Variants in ZFHX4 observed in about 807,000 individuals in gnomAD.
ZFHX4 encodes zinc finger homeobox 4, also known as zinc finger homeobox protein 4.
ZFHX4 carries 56 observed loss-of-function variants against 267.6 expected under a neutral mutation model. The observed-to-expected ratio is 0.21, with a 90% confidence interval of 0.17 to 0.26. ZFHX4 has a LOEUF of 0.26. Among genes scored for constraint, ZFHX4 ranks in the 10% least tolerant of loss-of-function variants. The probability of loss-of-function intolerance (pLI) is 1.00; values close to 1 mark genes in which losing one functional copy is unlikely to be tolerated. For synonymous variants in ZFHX4, 1,778 were observed against 1,665.6 expected (o/e 1.07, Z -1.64); for missense variants, 4,332 against 4,420.0 (o/e 0.98, Z 0.56).
chr8:76,685,551 G>T (rs540693371), intron 1 of ZFHX4, among the ~76,000 whole-genome samples: 2 of 152,096 alleles, frequency 1.3e-5, no homozygotes, highest in South Asian at 2.1e-4. Context: ...TAATATATAC[G>T]TTTATGTAAT....
intron 4 of ZFHX4, among the ~76,000 whole-genome samples, chr8:76,821,541 T>TC (rs1811649213): frequency 6.6e-6 from 1 of 150,698 alleles, no homozygotes; most frequent in African/African-American, 2.5e-5. Flanking sequence ...TTTTTTTTTT[T>TC]CACTAGGCTG....
At chr8:76,782,292 G>C (rs991701867) in intron 4 of ZFHX4, 12 of 373,060 alleles carry the variant, frequency 3.2e-5, no homozygotes, top group African/African-American at 2.3e-4. Context: ...ACTCTGTCTG[G>C]CTATGCTAGT....
In ZFHX4 at chr8:76,705,637, T is replaced by C. The variant is rs773318689; in HGVS notation, c.1549T>C (p.Phe517Leu). The change falls in exon 2 of 11, where the codon TTT (phenylalanine) becomes CTT (leucine). Residue 517 changes from phenylalanine (F) to leucine (L), a missense_variant. This residue lies in a region of ZFHX4 where 1,195 missense variants were observed against 1,173.6 expected (regional missense o/e 1.02). Transcript: ENST00000651372. ...TCCTTTATCATCCAGTGTGCTAAAA[T>C]TTATTGAAAAGGGTACCTCGTCCTC... The part of the protein sequence containing the change: ...ISPLSSSVLK[F>L]IEKGTSSSSA... The C allele has an allele frequency of 1.9e-6, 3 of 1,613,818 alleles. No individual in the cohort carries two copies. The highest frequency in any genetic ancestry group is 4.5e-5 in the East Asian group (2 of 44,882).
At chr8:76,827,466 T>C (rs1811816920) in intron 4 of ZFHX4, among the ~76,000 whole-genome samples, 1 of 152,150 alleles carries the variant, frequency 6.6e-6, no homozygotes, top group Non-Finnish European at 1.5e-5. Flanking sequence ...AACTGGTTGA[T>C]AGATGGAAAC....
rs1031467751 is a variant in ZFHX4, at chr8:76,699,621, C to T, written c.-46-4422C>T. Among the ~76,000 whole-genome samples the T allele has an allele frequency of 5.3e-5, 8 of 151,976 alleles. No individual in the cohort carries two copies. The South Asian group carries it at 1.7e-3, about 32-fold the overall frequency. ...CTCTTCTCTTGGTTAGCACACCACA[C>T]CCTTTTAAAAGCTTCTGTACAGTAG... On this transcript the variant is annotated intron_variant, in intron 1 of 10. Transcript: ENST00000651372.
rs1197544128 is a variant in ZFHX4 at position 76,865,400 on chromosome 8, T to C, written c.*835T>C. On this transcript the variant is annotated 3_prime_UTR_variant, in exon 11 of 11. Coordinates refer to ENST00000651372, the MANE Select transcript of ZFHX4 (RefSeq NM_024721.5). ...GAGGATTATGTGAACAGGACATTTT[T>C]CATTTGTGAATTTAATGCTATACTG... is the stretch of plus-strand genomic sequence containing the variant. 6.6e-6 allele frequency: 1 copy of C among 152,612 alleles called. No homozygotes were observed. Among genetic ancestry groups the C allele is most frequent in the African/African-American group, 2.4e-5 (1 of 41,462 alleles). 9.5% of individuals were successfully genotyped at this position (152,612 alleles called of 1,614,324 possible). A position where few individuals can be genotyped will look rare whatever the true frequency, so the allele number is the denominator to read the frequency against.
intron 10 of ZFHX4, among the ~76,000 whole-genome samples, chr8:76,860,947 G>A (rs2131974967): frequency 6.6e-6 from 1 of 152,024 alleles, no homozygotes; most frequent in East Asian, 1.9e-4. Flanking sequence ...CCCAGACATA[G>A]AACTGTAGGA....
intron 4 of ZFHX4, among the ~76,000 whole-genome samples, chr8:76,811,606 T>A (rs1195729013): frequency 6.6e-6 from 1 of 152,196 alleles, no homozygotes; most frequent in African/African-American, 2.4e-5. Flanking sequence ...TTTGGCCTTC[T>A]GTACATAAAT....
chr8:76,819,173 A>G (rs1216674739), intron 4 of ZFHX4, among the ~76,000 whole-genome samples: 4 of 151,260 alleles, frequency 2.6e-5, no homozygotes, highest in African/African-American at 9.7e-5. Context: ...TAACTCACAA[A>G]AAGTATTCAT....
chr8:76,683,596 T>C (rs999768804), intron 1 of ZFHX4, among the ~76,000 whole-genome samples: 3 of 149,814 alleles, frequency 2.0e-5, no homozygotes, highest in Non-Finnish European at 4.4e-5. Flanking sequence ...TCAAGGATCA[T>C]GTAGATGGCA....
intron 3 of ZFHX4, among the ~76,000 whole-genome samples, chr8:76,716,709 A>G (rs1808585129): frequency 6.6e-6 from 1 of 152,172 alleles, no homozygotes; most frequent in Non-Finnish European, 1.5e-5. Context: ...ACATGAATGT[A>G]GTCTACTGAG....
Position 76,852,711 on chromosome 8 carries a change from G to C in ZFHX4, c.5790G>C (p.Lys1930Asn), listed in dbSNP as rs778344429. Reference protein sequence around the residue: ...LVIQYNENRQKVQKKGKSGEG... With the variant: ...LVIQYNENRQNVQKKGKSGEG... ...TTCAGTATAACGAAAACAGGCAGAA[G>C]GTACAGAAGAAGGGCAAAAGTGGTG... The change falls in exon 10 of 11, where the codon AAG becomes AAC. Residue 1930 changes from lysine to asparagine, a missense_variant. By Grantham distance (94) the Lys-to-Asn change is moderately conservative (BLOSUM62 0). Transcript: ENST00000651372. 6.2e-7 allele frequency: 1 copy of C among 1,613,748 alleles called. No individual in the cohort carries two copies. Among genetic ancestry groups the C allele is most frequent in the East Asian group, 2.2e-5 (1 of 44,842 alleles).
chr8:76,739,882 C>G (rs561237882), intron 3 of ZFHX4, among the ~76,000 whole-genome samples: 2 of 152,192 alleles, frequency 1.3e-5, no homozygotes, highest in East Asian at 1.9e-4. Flanking sequence ...ACATGATTGT[C>G]TTCTTCTTAC....
intron 8 of ZFHX4, 105 bp downstream of exon 8, chr8:76,849,817 A>G: frequency 8.3e-7 from 1 of 1,209,256 alleles, no homozygotes. Context: ...TTCAGAGCTA[A>G]TTAAAGCTCT....
At chr8:76,775,899 T>C (rs932360973) in intron 3 of ZFHX4, among the ~76,000 whole-genome samples, 37 of 151,146 alleles carry the variant, frequency 2.4e-4, no homozygotes, top group Middle Eastern at 3.4e-3. Context: ...AGTTTTCTTT[T>C]TTTTTTTTTT....
At chr8:76,730,254 G>A (rs1432836867) in intron 3 of ZFHX4, among the ~76,000 whole-genome samples, 2 of 152,132 alleles carry the variant, frequency 1.3e-5, no homozygotes, top group African/African-American at 2.4e-5. Flanking sequence ...GTGGCCAATA[G>A]AATGCTTTGT....
At chr8:76,778,510 A>AAC (rs1018814568) in intron 4 of ZFHX4, 71 bp downstream of exon 4, 108 of 1,055,478 alleles carry the variant, frequency 1.0e-4, no homozygotes, top group South Asian at 3.3e-4. Flanking sequence ...CACACACACA[A>AAC]ACACACACAC....
chr8:76,785,357 C>A (rs1361244018), intron 4 of ZFHX4, among the ~76,000 whole-genome samples: 1 of 151,998 alleles, frequency 6.6e-6, no homozygotes, highest in African/African-American at 2.4e-5. Context: ...GCTAAAGTAG[C>A]ATTGTGGATC....
intron 3 of ZFHX4, among the ~76,000 whole-genome samples, chr8:76,776,159 T>C (rs1810395817): frequency 6.6e-6 from 1 of 152,034 alleles, no homozygotes. Context: ...CTGTGCGTGC[T>C]ATAAAGAAAA....
Sources: allele counts gnomAD v4.1 joint callset (sites outside exome capture counted in the v4.1 genomes callset), GRCh38; gene constraint gnomAD v4.1.1; regional missense constraint gnomAD v4.1.1; transcripts MANE v1.5; gene names NCBI Gene and HGNC (gene_info 2026-07-23, HGNC 2026-07-21).